The following R3HDM2 variants were observed in gnomAD, a reference collection of about 807,000 sequenced individuals.
The protein encoded by R3HDM2 is R3H domain containing 2, also known as R3H domain-containing protein 2.
In R3HDM2, 38 loss-of-function variants were observed where a neutral mutation model predicts 124.5. The observed-to-expected ratio is 0.31, with a 90% CI of 0.24 to 0.40. R3HDM2 has a LOEUF of 0.40. Among genes scored for constraint, R3HDM2 ranks in the 10% least tolerant of loss-of-function variants. R3HDM2 has a pLI of 1.00. For missense variants in R3HDM2, 869 were observed against 1,236.9 expected (o/e 0.70, Z 4.46); for synonymous variants, 391 against 448.0 (o/e 0.87, Z 1.61).
intron 13 of R3HDM2, among the ~76,000 whole-genome samples, chr12:57,283,464 C>T (rs2046635628): frequency 1.3e-5 from 2 of 152,118 alleles, no homozygotes; most frequent in South Asian, 2.1e-4. Flanking sequence ...ATGGGCTGGG[C>T]GTGGTGACTC....
intron 2 of R3HDM2, among the ~76,000 whole-genome samples, chr12:57,390,456 G>A (rs1394282096): frequency 6.6e-6 from 1 of 152,150 alleles, no homozygotes; most frequent in Non-Finnish European, 1.5e-5. Flanking sequence ...CCAGCACTTT[G>A]GGAGGCTGAG....
chr12:57,393,098 C>G (rs1367539298), intron 2 of R3HDM2, among the ~76,000 whole-genome samples: 1 of 149,676 alleles, frequency 6.7e-6, no homozygotes, highest in African/African-American at 2.5e-5. Context: ...GCCACTGCGC[C>G]AGGCATTTTT....
intron 11 of R3HDM2, among the ~76,000 whole-genome samples, chr12:57,289,277 G>C (rs2048087984): frequency 1.3e-5 from 2 of 152,182 alleles, no homozygotes; most frequent in Admixed American, 1.3e-4. Context: ...TTAAAAAAAA[G>C]AGGCTGACAA....
In R3HDM2 at chr12:57,296,147, C is replaced by T. The variant is rs921503485; in HGVS notation, c.701+264G>A. Among the ~76,000 whole-genome samples, 18 of 152,026 alleles carry T rather than the reference C, an allele frequency of 1.2e-4. No individual in the cohort carries two copies. Among genetic ancestry groups the T allele is most frequent in the South Asian group, 4.2e-4 (2 of 4,814 alleles). ...CCTCCCAAAGTGCTGGGATTACAGG[C>T]GTCAGCCACTGCGCCCGGCCATTTT... On this transcript the variant is annotated intron_variant, in intron 9 of 23. Transcript: ENST00000402412. This position sits in a 1 kb window ranked among gnomAD's most constrained non-coding sequence, Gnocchi z 4.5.
At position 57,310,313 on chromosome 12, in the gene R3HDM2, T is replaced by C; in HGVS notation, c.116A>G (p.Glu39Gly). 4 of 1,548,000 alleles carry C rather than the reference T, an allele frequency of 2.6e-6. No individual in the cohort carries two copies. Among genetic ancestry groups the C allele is most frequent in the Non-Finnish European group, 3.5e-6 (4 of 1,146,020 alleles). ...NKFISKTPSK[E>G]EIEKECEDTS... ...ATCTTCACATTCTTTCTCAATTTCT[T>C]CCTTACTTGGAGTCTTAGATATAAA... The change falls in exon 3 of 24, where the codon GAA becomes GGA. Residue 39 changes from glutamate (E) to glycine (G), a missense_variant. Around this residue, in one of 2 missense-constraint regions of R3HDM2, gnomAD observed 267 missense variants for 447.7 expected, o/e 0.60. Transcript: ENST00000402412.
intron 1 of R3HDM2, among the ~76,000 whole-genome samples, chr12:57,418,645 G>A (rs1233030339): frequency 6.7e-6 from 1 of 149,900 alleles, no homozygotes. Context: ...CGCAACCTCT[G>A]TCTCCCCGGT....
intron 2 of R3HDM2, among the ~76,000 whole-genome samples, chr12:57,330,694 C>CTT (rs10571548): frequency 3.1e-4 from 22 of 70,732 alleles, no homozygotes; most frequent in African/African-American, 4.5e-4. Flanking sequence ...TAGGGCTTTT[C>CTT]TTTTTTTTTT....
intron 2 of R3HDM2, among the ~76,000 whole-genome samples, chr12:57,345,791 C>G (rs915491073): frequency 2.0e-5 from 3 of 152,166 alleles, no homozygotes; most frequent in African/African-American, 7.2e-5. Context: ...AATCCTCCCA[C>G]TTCAGCCTCC....
chr12:57,308,018 C>T (rs1272612094), intron 3 of R3HDM2, among the ~76,000 whole-genome samples: 3 of 151,118 alleles, frequency 2.0e-5, no homozygotes, highest in Non-Finnish European at 4.4e-5. Context: ...TTCCAAACCC[C>T]GAGACATTGT....
At chr12:57,274,780 A>G (rs565248478) in intron 14 of R3HDM2, among the ~76,000 whole-genome samples, 1 of 152,338 alleles carries the variant, frequency 6.6e-6, no homozygotes, top group African/African-American at 2.4e-5. Context: ...AGACCTCTAC[A>G]TGGAAAACTA....
chr12:57,424,011 G>C (rs1276278361), intron 1 of R3HDM2, among the ~76,000 whole-genome samples: 1 of 147,628 alleles, frequency 6.8e-6, no homozygotes, highest in East Asian at 2.1e-4. Context: ...CTACTTGGGA[G>C]GCTGAGGCAG....
intron 14 of R3HDM2, among the ~76,000 whole-genome samples, chr12:57,274,565 T>C (rs2044262903): frequency 6.6e-6 from 1 of 152,238 alleles, no homozygotes; most frequent in African/African-American, 2.4e-5. Context: ...GAAGAAGTGA[T>C]GCTCCTCTTA....
chr12:57,392,645 G>A (rs2066872836), intron 2 of R3HDM2, among the ~76,000 whole-genome samples: 1 of 152,044 alleles, frequency 6.6e-6, no homozygotes, highest in South Asian at 2.1e-4. Flanking sequence ...CCAGGCTAGA[G>A]TGCAATGGCG....
intron 19 of R3HDM2, among the ~76,000 whole-genome samples, chr12:57,265,762 C>G (rs1241212850): frequency 6.6e-6 from 1 of 151,598 alleles, no homozygotes; most frequent in African/African-American, 2.4e-5. Flanking sequence ...GACTCCTGAG[C>G]AGCTGTTACT....
intron 14 of R3HDM2, among the ~76,000 whole-genome samples, chr12:57,270,461 T>C (rs2043353532): frequency 6.6e-6 from 1 of 151,934 alleles, no homozygotes; most frequent in African/African-American, 2.4e-5. Context: ...GGAGTTTTGG[T>C]TCTTGTTGCC....
intron 19 of R3HDM2, among the ~76,000 whole-genome samples, chr12:57,260,168 G>A (rs1426731012): frequency 6.7e-6 from 1 of 149,930 alleles, no homozygotes; most frequent in Admixed American, 6.7e-5. Flanking sequence ...GGAGGCTGAG[G>A]TGAGAGGATC....
intron 13 of R3HDM2, among the ~76,000 whole-genome samples, chr12:57,281,868 T>A (rs1345729999): frequency 6.6e-6 from 1 of 152,060 alleles, no homozygotes; most frequent in African/African-American, 2.4e-5. Flanking sequence ...ATCAGTGATA[T>A]CGACAAAGTT....
chr12:57,286,318 T>A (rs11172142), intron 12 of R3HDM2, among the ~76,000 whole-genome samples: 36,160 of 152,032 alleles, frequency 0.24, 4,649 homozygotes, highest in South Asian at 0.43. Flanking sequence ...GGCTTATTTG[T>A]CAATGGAGCA....
intron 2 of R3HDM2, among the ~76,000 whole-genome samples, chr12:57,333,133 T>C (rs1264267111): frequency 6.6e-6 from 1 of 152,150 alleles, no homozygotes. Flanking sequence ...GAACATGCCA[T>C]GATCTGCTAT....
Sources: allele counts gnomAD v4.1 joint callset (sites outside exome capture counted in the v4.1 genomes callset), GRCh38; gene constraint gnomAD v4.1.1; regional missense constraint gnomAD v4.1.1; non-coding constraint Gnocchi (gnomAD v3.1); transcripts MANE v1.5; gene names NCBI Gene and HGNC (gene_info 2026-07-23, HGNC 2026-07-21).